Variants in CYP39A1 observed in about 807,000 individuals in gnomAD.
CYP39A1 encodes cytochrome P450 family 39 subfamily A member 1.
A neutral mutation model predicts 58.1 loss-of-function variants in CYP39A1; 49 were observed. That is an observed-to-expected ratio of 0.84 (90% CI 0.67 to 1.07). The LOEUF is 1.07. CYP39A1 is among the 50% of genes least tolerant of loss of function. CYP39A1 has a pLI of 0.00. For missense variants in CYP39A1, 531 were observed against 539.4 expected (o/e 0.98, Z 0.16); for synonymous variants, 209 against 187.6 (o/e 1.11, Z -0.93).
At chr6:46,651,403 TTA>T (rs1442970006) in intron 1 of CYP39A1, among the ~76,000 whole-genome samples, 1 of 152,224 alleles carries the variant, frequency 6.6e-6, no homozygotes, top group Non-Finnish European at 1.5e-5. Flanking sequence ...GTCATTCACA[TTA>T]TATGTTAAAA....
intron 10 of CYP39A1, among the ~76,000 whole-genome samples, chr6:46,566,348 C>G (rs1327055861): frequency 2.0e-5 from 3 of 152,168 alleles, no homozygotes; most frequent in Non-Finnish European, 4.4e-5. Flanking sequence ...GCTCAATTGA[C>G]TCATAGTTCA....
At chr6:46,550,875 G>A (rs1293513155) in intron 11 of CYP39A1, among the ~76,000 whole-genome samples, 1 of 152,152 alleles carries the variant, frequency 6.6e-6, no homozygotes, top group Non-Finnish European at 1.5e-5. Flanking sequence ...ATTCATGATC[G>A]TGACTTTCCA....
intron 10 of CYP39A1, among the ~76,000 whole-genome samples, chr6:46,555,050 G>GACACAC (rs138308277): frequency 3.2e-4 from 47 of 148,498 alleles, no homozygotes; most frequent in African/African-American, 6.1e-4. Flanking sequence ...CGCAGACACA[G>GACACAC]ACACACACAC....
intron 10 of CYP39A1, among the ~76,000 whole-genome samples, chr6:46,561,982 C>T (rs1471226618): frequency 1.3e-5 from 2 of 152,088 alleles, no homozygotes; most frequent in East Asian, 3.9e-4. Context: ...ATCATGGTGG[C>T]TACAGTTAAT....
At chr6:46,572,181 G>A (rs923800516) in intron 10 of CYP39A1, among the ~76,000 whole-genome samples, 3 of 121,056 alleles carry the variant, frequency 2.5e-5, no homozygotes, top group Middle Eastern at 3.9e-3. Context: ...TATTTTTTTC[G>A]GGAGTTAAAA....
rs186171328 is a variant in CYP39A1, at chr6:46,588,385, A to G, written c.1066-256T>C. Reference sequence around the variant, plus strand: ...TTGGTTACATAGAGGAAATTATATAATTCTGATTCACATGTACATATATTC... The same window carrying G: ...TTGGTTACATAGAGGAAATTATATAGTTCTGATTCACATGTACATATATTC... On this transcript the variant is annotated intron_variant, in intron 8 of 11. Coordinates refer to ENST00000275016, the MANE Select transcript of CYP39A1 (RefSeq NM_016593.5). 3.0e-4 allele frequency among the ~76,000 whole-genome samples: 46 copies of G among 151,880 alleles called. 2 individuals are homozygous for G. In the East Asian group the frequency reaches 4.1e-3, roughly 13 times the overall value.
At chr6:46,592,814 G>A (rs1772921248) in intron 8 of CYP39A1, among the ~76,000 whole-genome samples, 1 of 152,074 alleles carries the variant, frequency 6.6e-6, no homozygotes, top group Non-Finnish European at 1.5e-5. Context: ...AAATCAACTG[G>A]GCATGATGGC....
At chr6:46,618,412 T>C (rs918748014) in intron 7 of CYP39A1, among the ~76,000 whole-genome samples, 4 of 152,266 alleles carry the variant, frequency 2.6e-5, no homozygotes, top group Admixed American at 2.6e-4. Context: ...ACTTATCAAT[T>C]AAAATTTAAA....
intron 8 of CYP39A1, among the ~76,000 whole-genome samples, chr6:46,594,194 A>T (rs969253230): frequency 6.6e-6 from 1 of 152,138 alleles, no homozygotes; most frequent in African/African-American, 2.4e-5. Flanking sequence ...ACTTGCCATA[A>T]GATAAATATC....
intron 10 of CYP39A1, among the ~76,000 whole-genome samples, chr6:46,554,150 T>C (rs1337678919): frequency 6.6e-6 from 1 of 152,236 alleles, no homozygotes; most frequent in African/African-American, 2.4e-5. Flanking sequence ...TCCAGTATCA[T>C]AGCCATTAGA....
At chr6:46,608,742 G>A (rs953917065) in intron 7 of CYP39A1, among the ~76,000 whole-genome samples, 1 of 152,010 alleles carries the variant, frequency 6.6e-6, no homozygotes, top group African/African-American at 2.4e-5. Context: ...AGCCTCCCGA[G>A]TAGCTGGGAC....
chr6:46,626,041 AAC>A (rs1775291365), intron 6 of CYP39A1, among the ~76,000 whole-genome samples: 1 of 149,490 alleles, frequency 6.7e-6, no homozygotes, highest in Admixed American at 6.6e-5. Flanking sequence ...CAATGTCAAA[AAC>A]AAAGTCCTTT....
chr6:46,638,040 A>G, intron 3 of CYP39A1, 62 bp from the exon 4 acceptor site: 1 of 1,516,050 alleles, frequency 6.6e-7, no homozygotes, highest in East Asian at 2.3e-5. Context: ...GGCAAAGGAT[A>G]CAAAGCAAGG....
At chr6:46,624,418 G>A (rs1347957988) in intron 7 of CYP39A1, among the ~76,000 whole-genome samples, 1 of 152,084 alleles carries the variant, frequency 6.6e-6, no homozygotes, top group Non-Finnish European at 1.5e-5. Flanking sequence ...TGTTAGCATT[G>A]TTGGCATTCA....
At chr6:46,625,553 G>A (rs773825909) in intron 6 of CYP39A1, 45 bp from the exon 7 acceptor site, 1 of 1,418,274 alleles carries the variant, frequency 7.1e-7, no homozygotes, top group Admixed American at 1.7e-5. Context: ...TTCTTTGAAG[G>A]TGAACAAAAG....
chr6:46,549,948 T>TA lies in CYP39A1; in HGVS notation c.*417dup, dbSNP rs1561943135. On this transcript the variant is annotated 3_prime_UTR_variant, in exon 12 of 12. Transcript: ENST00000275016. ...ATAGAAAATTTGTAGAAATAATTAT[T>TA]AAATTTTAAAAATCTAAGCCTTTTA... 6.5e-6 allele frequency: 1 copy of TA among 153,616 alleles called. No individual in the cohort carries two copies. Among genetic ancestry groups the TA allele is most frequent in the Non-Finnish European group, 1.5e-5 (1 of 68,740 alleles). The allele number at this position is 153,616 out of a possible 1,614,324, so 9.5% of individuals were successfully genotyped here.
Position 46,652,517 on chromosome 6 carries a change from C to T in CYP39A1, c.66G>A (p.Gln22=). The stretch of plus-strand genomic sequence containing the variant: ...ACGGGGGTCTACGCAAATTCTTCCG[C>T]TGAAGGAGTAAGAACAGAGCAAGGC... ...LGCLALFLLL[Q]RKNLRRPPCI... The change falls in exon 1 of 12, where the codon CAG becomes CAA. Residue 22 remains glutamine, a synonymous_variant. Transcript: ENST00000275016. The T allele has an allele frequency of 6.2e-7, 1 of 1,613,914 alleles. No individual in the cohort carries two copies. Among genetic ancestry groups the T allele is most frequent in the Non-Finnish European group, 8.5e-7 (1 of 1,179,950 alleles).
At chr6:46,641,027 C>CTCTA (rs1776303737) in intron 2 of CYP39A1, among the ~76,000 whole-genome samples, 2 of 151,560 alleles carry the variant, frequency 1.3e-5, no homozygotes, top group Admixed American at 6.6e-5. Flanking sequence ...TATACATCTT[C>CTCTA]TGTATGTATA....
At chr6:46,558,877 T>A (rs920312599) in intron 10 of CYP39A1, among the ~76,000 whole-genome samples, 1 of 150,858 alleles carries the variant, frequency 6.6e-6, no homozygotes, top group Non-Finnish European at 1.5e-5. Flanking sequence ...GCACCTGTAA[T>A]CCCAGCTACT....
Sources: allele counts gnomAD v4.1 joint callset (sites outside exome capture counted in the v4.1 genomes callset), GRCh38; gene constraint gnomAD v4.1.1; transcripts MANE v1.5; gene names NCBI Gene and HGNC (gene_info 2026-07-23, HGNC 2026-07-21).